AKAP12: variants seen among roughly 807,000 people sequenced by gnomAD.
AKAP12 encodes the protein A-kinase anchor protein 12.
A neutral mutation model predicts 79.9 loss-of-function variants in AKAP12; 32 were observed. The observed-to-expected ratio is 0.40, with a 90% CI of 0.30 to 0.54. AKAP12 has a LOEUF of 0.54. Among genes scored for constraint, AKAP12 ranks in the 20% least tolerant of loss-of-function variants. AKAP12 has a pLI of 0.48. For missense variants in AKAP12, 2,074 were observed against 2,177.0 expected (o/e 0.95, Z 0.94); for synonymous variants, 808 against 857.0 (o/e 0.94, Z 1.00).
At chr6:151,330,102 C>T (rs868780006) in intron 3 of AKAP12, among the ~76,000 whole-genome samples, 1 of 152,134 alleles carries the variant, frequency 6.6e-6, no homozygotes, top group Admixed American at 6.5e-5. Context: ...GCAGGTGGAT[C>T]GCTTGAGTCC....
At chr6:151,280,553 T>G (rs1156534985) in intron 2 of AKAP12, 2 of 152,060 alleles carry the variant, frequency 1.3e-5, no homozygotes, top group Non-Finnish European at 2.9e-5. Flanking sequence ...GTCTCATCTT[T>G]GAGTAGGGGC....
chr6:151,295,182 C>T (rs529841275), intron 2 of AKAP12, among the ~76,000 whole-genome samples: 2 of 152,254 alleles, frequency 1.3e-5, no homozygotes, highest in South Asian at 4.1e-4. Flanking sequence ...AATGAGTTCA[C>T]CTGTAGTGGC....
chr6:151,261,691 C>T (rs936118577), intron 2 of AKAP12, among the ~76,000 whole-genome samples: 2 of 151,444 alleles, frequency 1.3e-5, no homozygotes, highest in African/African-American at 4.8e-5. Flanking sequence ...CAGAGCCAGA[C>T]TCCATCTCAA....
intron 2 of AKAP12, among the ~76,000 whole-genome samples, chr6:151,272,493 T>TGATAGATAGATA (rs76256853): frequency 0.021 from 3,009 of 144,334 alleles, 52 homozygotes; most frequent in East Asian, 0.043. Context: ...TTTCATGAGA[T>TGATAGATAGATA]GATAGATAGA....
At chr6:151,241,537 A>G (rs1003685209) in intron 2 of AKAP12, among the ~76,000 whole-genome samples, 4 of 152,170 alleles carry the variant, frequency 2.6e-5, no homozygotes, top group African/African-American at 9.6e-5. Flanking sequence ...AAACGACTGC[A>G]TTTTATCGGC....
chr6:151,334,874 C>T (rs1777773241), intron 3 of AKAP12, among the ~76,000 whole-genome samples: 1 of 152,064 alleles, frequency 6.6e-6, no homozygotes, highest in African/African-American at 2.4e-5. Flanking sequence ...CTGCCCGCCT[C>T]GGCCTCCTAG....
At chr6:151,320,963 A>C (rs1777366121) in intron 3 of AKAP12, among the ~76,000 whole-genome samples, 1 of 151,246 alleles carries the variant, frequency 6.6e-6, no homozygotes, top group African/African-American at 2.4e-5. Context: ...CCCCACAATC[A>C]ACTGTGGGAC....
At chr6:151,345,495 C>T (rs1031068856) in intron 3 of AKAP12, among the ~76,000 whole-genome samples, 1 of 151,410 alleles carries the variant, frequency 6.6e-6, no homozygotes, top group Admixed American at 6.6e-5. Context: ...CGATATATGT[C>T]CTATATAGAA....
intron 3 of AKAP12, among the ~76,000 whole-genome samples, chr6:151,316,480 G>C (rs1487450873): frequency 6.6e-6 from 1 of 152,134 alleles, no homozygotes; most frequent in Non-Finnish European, 1.5e-5. Flanking sequence ...AGTTCTGGAG[G>C]CTGGAGGTCC....
chr6:151,348,681 C>CGGGGGG, intron 3 of AKAP12, 30 bp from the exon 4 acceptor site: 1 of 218,350 alleles, frequency 4.6e-6, no homozygotes, highest in Non-Finnish European at 9.1e-6. Flanking sequence ...TTTCTCTTCT[C>CGGGGGG]CCCACCCCCC....
intron 2 of AKAP12, among the ~76,000 whole-genome samples, chr6:151,288,115 T>G: frequency 6.6e-6 from 1 of 152,032 alleles, no homozygotes; most frequent in South Asian, 2.1e-4. Flanking sequence ...CCTAATGTAG[T>G]TGACGGGTTG....
chr6:151,300,351 G>A (rs867362176), intron 2 of AKAP12, among the ~76,000 whole-genome samples: 2 of 152,110 alleles, frequency 1.3e-5, no homozygotes, highest in South Asian at 4.1e-4. Flanking sequence ...TTGGAGCCTC[G>A]TCTACTGTGT....
intron 2 of AKAP12, among the ~76,000 whole-genome samples, chr6:151,283,482 A>G (rs375612501): frequency 7.9e-5 from 12 of 152,354 alleles, no homozygotes; most frequent in East Asian, 7.7e-4. Flanking sequence ...GGACAGGGTA[A>G]CAAAAGCAGT....
intron 2 of AKAP12, among the ~76,000 whole-genome samples, chr6:151,246,040 C>T (rs4870001): frequency 0.2 from 31,157 of 152,110 alleles, 3,581 homozygotes; most frequent in African/African-American, 0.3. Context: ...AGCCCTGTAA[C>T]GATTTAACCA....
chr6:151,275,140 C>T (rs1776267667), intron 2 of AKAP12, among the ~76,000 whole-genome samples: 1 of 152,096 alleles, frequency 6.6e-6, no homozygotes, highest in Admixed American at 6.6e-5. Context: ...ATTTTTCTCA[C>T]AAACATGTTT....
intron 2 of AKAP12, among the ~76,000 whole-genome samples, chr6:151,290,777 G>T (rs984045610): frequency 2.0e-5 from 3 of 151,962 alleles, no homozygotes; most frequent in African/African-American, 7.2e-5. Flanking sequence ...GGCTAATTTT[G>T]TATTTTATTT....
chr6:151,308,994 C>A (rs1040252050), intron 3 of AKAP12, among the ~76,000 whole-genome samples: 5 of 152,258 alleles, frequency 3.3e-5, no homozygotes, highest in African/African-American at 1.2e-4. Flanking sequence ...CCTGCCTTAG[C>A]CTCTCAGGTA....
chr6:151,278,889 G>T (rs568077044), intron 2 of AKAP12, among the ~76,000 whole-genome samples: 2 of 151,458 alleles, frequency 1.3e-5, no homozygotes, highest in Non-Finnish European at 2.9e-5. Context: ...GGATGGTCTC[G>T]ATCTCCTGAC....
chr6:151,279,273 A>G (rs776766830), intron 2 of AKAP12, among the ~76,000 whole-genome samples: 3 of 152,162 alleles, frequency 2.0e-5, no homozygotes, highest in Admixed American at 6.5e-5. Context: ...AAGTAGGGAT[A>G]GAGAAGGAAT....
Sources: gnomAD v4.1 joint callset for allele counts (sites outside exome capture counted in the v4.1 genomes callset) on GRCh38, gnomAD v4.1.1 for gene constraint, MANE v1.5 for transcripts, NCBI Gene and HGNC (gene_info 2026-07-23, HGNC 2026-07-21) for gene names.